Variants in RO60 observed in about 807,000 individuals in gnomAD.
The protein encoded by RO60 is RNA-binding protein RO60.
Under a neutral mutation model 55.3 loss-of-function variants are expected in RO60, and 20 were observed. The observed-to-expected ratio is 0.36, with a 90% CI of 0.25 to 0.53. RO60 has a LOEUF of 0.53. Among genes scored for constraint, RO60 ranks in the 20% least tolerant of loss-of-function variants. The pLI, the probability that RO60 is intolerant of heterozygous loss-of-function variation, is 0.92. For synonymous variants in RO60, 213 were observed against 213.6 expected (o/e 1.00, Z 0.02); for missense variants, 558 against 646.6 (o/e 0.86, Z 1.49).
In RO60 at chr1:193,081,359, T is replaced by C. The variant is rs55677345; in HGVS notation, c.1087-5T>C. 42 of 1,535,312 alleles carry C rather than the reference T, an allele frequency of 2.7e-5. No homozygotes were observed. In the East Asian group the frequency reaches 9.2e-4, roughly 34 times the overall value. ...CTTTTAATGATTGTTTTGTTTTCTCTGTAGACAGTTGAACCAACTGGAAAA... is the reference window on the plus strand; with the variant it reads ...CTTTTAATGATTGTTTTGTTTTCTCCGTAGACAGTTGAACCAACTGGAAAA... On this transcript the variant is annotated splice_region_variant and splice_polypyrimidine_tract_variant and intron_variant, in intron 5 of 8. Transcript: ENST00000400968.
chr1:193,071,026 G>A (rs766166693), intron 2 of RO60, among the ~76,000 whole-genome samples: 32 of 152,134 alleles, frequency 2.1e-4, no homozygotes, highest in East Asian at 5.8e-4. Context: ...CAGTTTTTCC[G>A]CAGGCAGTGG....
intron 2 of RO60, among the ~76,000 whole-genome samples, chr1:193,070,146 CAAA>C (rs112979908): frequency 1.2e-4 from 10 of 86,152 alleles, no homozygotes; most frequent in Admixed American, 2.4e-4. Context: ...AGTAGAAAAG[CAAA>C]AAAAAAAAAA....
chr1:193,084,491 G>A, intron 8 of RO60, 88 bp from the exon 9 acceptor site: 1 of 1,394,092 alleles, frequency 7.2e-7, no homozygotes, highest in Non-Finnish European at 9.5e-7. Flanking sequence ...AGCTCTGGTA[G>A]AGAAATGTTA....
chr1:193,085,091 C>T lies in RO60; in HGVS notation c.*360C>T, dbSNP rs1180701812. 6 of 1,474,592 alleles carry T rather than the reference C, an allele frequency of 4.1e-6. No individual in the cohort carries two copies. The highest frequency in any genetic ancestry group is 2.5e-5 in the Admixed American group (1 of 39,652). The allele number at this position is 1,474,592 out of a possible 1,614,324, so 91.3% of individuals were successfully genotyped here. ...ATCATGTTACTTGAGAAGTGCTTAACGTTTTCTTAAATGTTTTCATTGGGA... is the reference window on the plus strand; with the variant it reads ...ATCATGTTACTTGAGAAGTGCTTAATGTTTTCTTAAATGTTTTCATTGGGA... On this transcript the variant is annotated 3_prime_UTR_variant, in exon 9 of 9. Coordinates refer to ENST00000400968, the MANE Select transcript of RO60 (RefSeq NM_001173524.2).
downstream of RO60, chr1:193,091,454 C>G (rs745523038): frequency 2.1e-4 from 104 of 488,880 alleles, 1 homozygote; most frequent in Non-Finnish European, 3.2e-4. Context: ...AAGGAGGGGA[C>G]AGGGAGCTTC....
intron 2 of RO60, chr1:193,070,759 A>G (rs1673435694): frequency 5.6e-6 from 1 of 177,144 alleles, no homozygotes; most frequent in East Asian, 1.6e-4. Context: ...CCTTCCACAC[A>G]TATTTTTATA....
At chr1:193,067,066 T>G (rs1209521238) in intron 1 of RO60, among the ~76,000 whole-genome samples, 3 of 152,130 alleles carry the variant, frequency 2.0e-5, no homozygotes, top group Admixed American at 6.5e-5. Flanking sequence ...TTATACTCCC[T>G]TGCTCACTCA....
rs574607014 is a variant in RO60 at position 193,069,783 on chromosome 1, C to T, written c.580+149C>T. The T allele has an allele frequency of 1.2e-5, 8 of 667,898 alleles. No individual in the cohort carries two copies. The African/African-American group carries it at 1.5e-4, about 12-fold the overall frequency. The allele number at this position is 667,898 out of a possible 1,614,324, so 41.4% of individuals were successfully genotyped here. A position where few individuals can be genotyped will look rare whatever the true frequency, so the allele number is the denominator to read the frequency against. On this transcript the variant is annotated intron_variant, in intron 2 of 8. Coordinates refer to ENST00000400968, the MANE Select transcript of RO60 (RefSeq NM_001173524.2). ...TACATTAATTCAAATATATTTAATG[C>T]CTTCCTGGGATTACACCCCTACCAC...
At chr1:193,073,406 G>A (rs1418716134) in intron 2 of RO60, among the ~76,000 whole-genome samples, 1 of 152,104 alleles carries the variant, frequency 6.6e-6, no homozygotes, top group African/African-American at 2.4e-5. Flanking sequence ...TGAATTCTTT[G>A]TCATTATCTT....
intron 5 of RO60, among the ~76,000 whole-genome samples, chr1:193,079,974 A>G (rs1314394093): frequency 6.6e-6 from 1 of 151,622 alleles, no homozygotes; most frequent in Admixed American, 6.6e-5. Context: ...AAAAAAAAAA[A>G]AAAAAAATTA....
Position 193,075,985 on chromosome 1 carries a change from A to G in RO60, c.746A>G (p.Glu249Gly), listed in dbSNP as rs368923806. 62 of 1,612,908 alleles carry G rather than the reference A, an allele frequency of 3.8e-5. No homozygotes were observed. The African/African-American group carries it at 7.6e-4, about 20-fold the overall frequency. ...GAGCTAGAAGTCATTCATCTAATAG[A>G]AGAACATAGATTAGTTAGAGAACAT... ...RDELEVIHLI[E>G]EHRLVREHLL... Residue 249 changes from glutamate to glycine, a missense_variant, in exon 3 of 9, where the codon GAA (glutamate) becomes GGA (glycine). By Grantham distance (98) the Glu-to-Gly change is moderately conservative (BLOSUM62 -2). Transcript: ENST00000400968.
At position 193,085,657 on chromosome 1, in the gene RO60, CCTTA is replaced by C. The variant is rs1447368894; in HGVS notation, c.*930_*933del. ...TCAACTATAACCAGTTTAGCTTTTT[CCTTA>C]CTTTTAAAATAAAATTTTTTACTTT... is the stretch of plus-strand genomic sequence containing the variant. On this transcript the variant is annotated 3_prime_UTR_variant, in exon 9 of 9. Transcript: ENST00000400968. 9 of 981,670 alleles carry C rather than the reference CCTTA, an allele frequency of 9.2e-6. No homozygotes were observed. The highest frequency in any genetic ancestry group is 1.7e-5 in the African/African-American group (1 of 57,232). 60.8% of individuals were successfully genotyped at this position (981,670 alleles called of 1,614,324 possible). A position where few individuals can be genotyped will look rare whatever the true frequency, so the allele number is the denominator to read the frequency against.
intron 1 of RO60, 25 bp from the exon 2 acceptor site, chr1:193,069,009 T>C (rs771907300): frequency 3.1e-5 from 46 of 1,496,592 alleles, no homozygotes; most frequent in Non-Finnish European, 3.4e-5. Flanking sequence ...CATCTAGTTG[T>C]AATAACATTT....
intron 1 of RO60, among the ~76,000 whole-genome samples, chr1:193,067,940 C>T (rs1673227019): frequency 6.6e-6 from 1 of 152,144 alleles, no homozygotes; most frequent in African/African-American, 2.4e-5. Flanking sequence ...TTTTTCTGTT[C>T]TGCTCTCTTT....
rs1672237340 is a variant in RO60, at chr1:193,059,700, C to T, written c.-98C>T. The T allele has an allele frequency of 7.4e-7, 1 of 1,357,262 alleles. No individual in the cohort carries two copies. Among genetic ancestry groups the T allele is most frequent in the South Asian group, 1.2e-5 (1 of 85,916 alleles). 84.1% of individuals were successfully genotyped at this position (1,357,262 alleles called of 1,614,324 possible). On this transcript the variant is annotated 5_prime_UTR_variant, in exon 1 of 9. Transcript: ENST00000400968. This position sits in a 1 kb window ranked among gnomAD's most constrained non-coding sequence, Gnocchi z 4.9. ...CTGTCGCTGCCCGTCAGGCTGCCTT[C>T]TTTTGTCGTTTCCCAGCGCTGCGCA...
At chr1:193,081,282 A>G in intron 5 of RO60, 82 bp from the exon 6 acceptor site, 1 of 734,540 alleles carries the variant, frequency 1.4e-6, no homozygotes, top group Non-Finnish European at 2.2e-6. Context: ...TTTTTAATGT[A>G]AGATAAGTAA....
chr1:193,070,285 A>G (rs1296469337), intron 2 of RO60, among the ~76,000 whole-genome samples: 2 of 152,182 alleles, frequency 1.3e-5, no homozygotes, highest in African/African-American at 4.8e-5. Context: ...CATGGAACCT[A>G]AAGGAATATA....
rs771140463 is a variant in RO60 at position 193,059,870 on chromosome 1, C to G, written c.-22+94C>G. Reference sequence around the variant, plus strand: ...GTCCTCCATGTCTCTCACCCGCATCCCAGGGGTTGAGGCTGGGCAAACGCC... The same window carrying G: ...GTCCTCCATGTCTCTCACCCGCATCGCAGGGGTTGAGGCTGGGCAAACGCC... On this transcript the variant is annotated intron_variant, in intron 1 of 8. Transcript: ENST00000400968. This position sits in a 1 kb window ranked among gnomAD's most constrained non-coding sequence, Gnocchi z 4.9. 1 of 1,364,720 alleles carries G rather than the reference C, an allele frequency of 7.3e-7. No homozygotes were observed. Among genetic ancestry groups the G allele is most frequent in the Admixed American group, 1.9e-5 (1 of 52,350 alleles). 84.5% of individuals were successfully genotyped at this position (1,364,720 alleles called of 1,614,324 possible).
intron 8 of RO60, among the ~76,000 whole-genome samples, chr1:193,083,285 G>GT (rs940504620): frequency 3.9e-5 from 6 of 151,956 alleles, no homozygotes; most frequent in African/African-American, 1.2e-4. Flanking sequence ...TTAGCTGTAA[G>GT]TTTTTTTTAA....
Sources: gnomAD v4.1 joint callset for allele counts (sites outside exome capture counted in the v4.1 genomes callset) on GRCh38, gnomAD v4.1.1 for gene constraint, Gnocchi (gnomAD v3.1) non-coding constraint, MANE v1.5 for transcripts, NCBI Gene and HGNC (gene_info 2026-07-23, HGNC 2026-07-21) for gene names.